Variants in AOAH observed in about 807,000 individuals in gnomAD.
AOAH encodes the protein acyloxyacyl hydrolase.
In AOAH, 64 loss-of-function variants were observed where a neutral mutation model predicts 92.2. The ratio of observed to expected loss-of-function variants is 0.69; its 90% CI spans 0.57 to 0.86. The LOEUF (loss-of-function observed/expected upper bound fraction) is 0.86. Ranked by LOEUF, AOAH falls within the 40% of genes least tolerant of loss-of-function variation. AOAH has a pLI of 0.00. For missense variants in AOAH, 656 were observed against 694.6 expected, an observed-to-expected ratio of 0.94 and a Z score of 0.62; for synonymous variants, 263 against 254.5, an observed-to-expected ratio of 1.03 and a Z score of -0.32.
chr7:36,636,048 G>A (rs757179594), intron 5 of AOAH, among the ~76,000 whole-genome samples: 5 of 152,134 alleles, frequency 3.3e-5, no homozygotes, highest in African/African-American at 9.7e-5. Context: ...CTCACCAACC[G>A]ATAGGCTGTG....
intron 1 of AOAH, among the ~76,000 whole-genome samples, chr7:36,695,939 G>C (rs1797680519): frequency 6.6e-6 from 1 of 150,996 alleles, no homozygotes; most frequent in African/African-American, 2.4e-5. Context: ...ATTCTATTTT[G>C]AGTTCACAAT....
intron 1 of AOAH, among the ~76,000 whole-genome samples, chr7:36,699,678 A>G (rs1797919671): frequency 7.9e-6 from 1 of 126,724 alleles, no homozygotes. Flanking sequence ...TGAGCTTCTT[A>G]TATATTCTTG....
At chr7:36,602,775 A>G (rs762559860) in intron 11 of AOAH, among the ~76,000 whole-genome samples, 11 of 152,150 alleles carry the variant, frequency 7.2e-5, no homozygotes, top group Non-Finnish European at 1.2e-4. Context: ...GGAATTTGAT[A>G]CCAGAAGAAG....
intron 13 of AOAH, among the ~76,000 whole-genome samples, chr7:36,559,062 C>T (rs1378495416): frequency 6.6e-6 from 1 of 152,256 alleles, no homozygotes; most frequent in Non-Finnish European, 1.5e-5. Context: ...CACCCATCTT[C>T]TGTGTCACTC....
chr7:36,522,421 A>G (rs1784153177), intron 19 of AOAH, among the ~76,000 whole-genome samples: 1 of 152,212 alleles, frequency 6.6e-6, no homozygotes, highest in Middle Eastern at 3.2e-3. Flanking sequence ...AGTACATGTC[A>G]TTTTTTGGTG....
At chr7:36,612,941 ATTG>A (rs1791572817) in intron 11 of AOAH, among the ~76,000 whole-genome samples, 1 of 152,130 alleles carries the variant, frequency 6.6e-6, no homozygotes, top group African/African-American at 2.4e-5. Context: ...TTTTGTAAGT[ATTG>A]TTCTACTTTT....
intron 1 of AOAH, among the ~76,000 whole-genome samples, chr7:36,717,309 C>T (rs1799271668): frequency 6.6e-6 from 1 of 152,128 alleles, no homozygotes; most frequent in African/African-American, 2.4e-5. Flanking sequence ...CAATACCCTG[C>T]TTCAGTGAGA....
At chr7:36,605,357 C>T (rs1416886567) in intron 11 of AOAH, among the ~76,000 whole-genome samples, 5 of 152,148 alleles carry the variant, frequency 3.3e-5, no homozygotes, top group East Asian at 3.8e-4. Context: ...AGATTCTAGG[C>T]GTTTCCCCTG....
rs574298553 is a variant in AOAH at position 36,631,099 on chromosome 7, A to G, written c.521+937T>C. ...GGTGGCTCACGCCTGTAATCCCAGC[A>G]CTTTGGGAGGCTGAGGTGGGTGGAT... is the stretch of plus-strand genomic sequence containing the variant. On this transcript the variant is annotated intron_variant, in intron 6 of 20. Coordinates refer to ENST00000617537, the MANE Select transcript of AOAH (RefSeq NM_001637.4). 3.9e-5 allele frequency among the ~76,000 whole-genome samples: 6 copies of G among 152,270 alleles called. No individual in the cohort carries two copies. The South Asian group carries it at 1.0e-3, about 26-fold the overall frequency.
intron 1 of AOAH, among the ~76,000 whole-genome samples, chr7:36,697,262 A>T (rs1237214257): frequency 1.3e-5 from 2 of 152,146 alleles, no homozygotes; most frequent in Admixed American, 1.3e-4. Flanking sequence ...TGGGTGACAA[A>T]TTTTTTCAAA....
rs1451971008 is a variant in AOAH, at chr7:36,659,170, G to A, written c.386C>T (p.Pro129Leu). ...GQPLCHLYPL[P>L]KETWKFTLQK... Reference sequence around the variant, plus strand: ...TCAGAGTGATTACACACTCACCTTGGGAAGAGGGTAGAGATGACACAATGG... The same window carrying A: ...TCAGAGTGATTACACACTCACCTTGAGAAGAGGGTAGAGATGACACAATGG... The change falls in exon 4 of 21, where the codon CCC becomes CTC. Residue 129 changes from proline to leucine, a missense_variant. Pro to Leu is a moderately conservative substitution (Grantham distance 98). Coordinates refer to ENST00000617537, the MANE Select transcript of AOAH (RefSeq NM_001637.4). The A allele has an allele frequency of 6.2e-7, 1 of 1,612,388 alleles. No individual in the cohort carries two copies. Among genetic ancestry groups the A allele is most frequent in the South Asian group, 1.1e-5 (1 of 91,046 alleles).
chr7:36,579,180 G>T (rs555158377), intron 12 of AOAH, among the ~76,000 whole-genome samples: 13 of 151,812 alleles, frequency 8.6e-5, no homozygotes, highest in Non-Finnish European at 1.8e-4. Flanking sequence ...AAAAAAAATG[G>T]CCCTATGTAG....
intron 3 of AOAH, among the ~76,000 whole-genome samples, chr7:36,666,447 AG>A (rs1378667571): frequency 6.6e-6 from 1 of 151,998 alleles, no homozygotes; most frequent in Non-Finnish European, 1.5e-5. Flanking sequence ...TTCCTTAGTT[AG>A]GCTGGCTAGA....
chr7:36,566,004 T>G (rs1787681575), intron 13 of AOAH, among the ~76,000 whole-genome samples: 1 of 152,148 alleles, frequency 6.6e-6, no homozygotes, highest in African/African-American at 2.4e-5. Context: ...TGTATTCAGC[T>G]ATCACATCTC....
At chr7:36,616,100 G>A (rs1218305221) in intron 11 of AOAH, among the ~76,000 whole-genome samples, 2 of 152,174 alleles carry the variant, frequency 1.3e-5, no homozygotes, top group Non-Finnish European at 2.9e-5. Context: ...AAGCCGGCCC[G>A]GTGGGCTTTG....
At chr7:36,548,092 T>TTG (rs1253675401) in intron 15 of AOAH, among the ~76,000 whole-genome samples, 1 of 152,210 alleles carries the variant, frequency 6.6e-6, no homozygotes, top group African/African-American at 2.4e-5. Context: ...ACACACCCAT[T>TTG]TGTTGTTACA....
At chr7:36,575,652 G>T (rs956096628) in intron 13 of AOAH, among the ~76,000 whole-genome samples, 19 of 152,064 alleles carry the variant, frequency 1.2e-4, no homozygotes, top group African/African-American at 4.3e-4. Context: ...TCAGTTAATG[G>T]CAGCAATTAT....
intron 1 of AOAH, among the ~76,000 whole-genome samples, chr7:36,717,580 G>A (rs1799298166): frequency 6.6e-6 from 1 of 150,430 alleles, no homozygotes; most frequent in South Asian, 2.1e-4. Context: ...GGAGGCAGTG[G>A]CGAGGCACCG....
rs971834807 is a variant in AOAH, at chr7:36,616,404, C to A, written c.822G>T (p.Trp274Cys). The A allele has an allele frequency of 6.2e-7, 1 of 1,613,878 alleles. No homozygotes were observed. The highest frequency in any genetic ancestry group is 1.3e-5 in the African/African-American group (1 of 74,926). Residue 274 changes from tryptophan to cysteine, a missense_variant, in exon 11 of 21, where the codon TGG (tryptophan) becomes TGT (cysteine). Trp to Cys is a radical substitution (Grantham distance 215). Transcript: ENST00000617537. ...AGAHFHISPE[W>C]ITASQMSLNS... ...CCAAAGACATCTGCGACGCTGTGAT[C>A]CATTCAGGAGAGATGTGAAAATGAG...
Sources: gnomAD v4.1 joint callset for allele counts (sites outside exome capture counted in the v4.1 genomes callset) on GRCh38, gnomAD v4.1.1 for gene constraint, MANE v1.5 for transcripts, NCBI Gene and HGNC (gene_info 2026-07-23, HGNC 2026-07-21) for gene names.